Variants in GLT1D1 observed in about 807,000 individuals in gnomAD.
GLT1D1 encodes glycosyltransferase 1 domain-containing protein 1.
Under a neutral mutation model 28.7 loss-of-function variants are expected in GLT1D1, and 21 were observed. The ratio of observed to expected loss-of-function variants is 0.73; its 90% CI spans 0.52 to 1.05. The LOEUF (loss-of-function observed/expected upper bound fraction) is 1.05, where lower values mean the gene tolerates loss of function less well. GLT1D1 is among the 50% of genes least tolerant of loss of function. The probability of loss-of-function intolerance (pLI) is 0.00; values close to 1 mark genes in which losing one functional copy is unlikely to be tolerated. For synonymous variants in GLT1D1, 147 were observed against 124.8 expected (o/e 1.18, Z -1.19); for missense variants, 343 against 330.6 (o/e 1.04, Z -0.29).
intron 1 of GLT1D1, among the ~76,000 whole-genome samples, chr12:128,868,965 G>A (rs1239484933): frequency 6.6e-6 from 1 of 152,184 alleles, no homozygotes; most frequent in African/African-American, 2.4e-5. Context: ...CGCCTGCCGG[G>A]TTCAAGTGAT....
At chr12:128,899,690 C>T (rs140293158) in intron 4 of GLT1D1, among the ~76,000 whole-genome samples, 6,614 of 151,772 alleles carry the variant, frequency 0.044, 512 homozygotes, top group African/African-American at 0.15. Flanking sequence ...GCTGGGATTT[C>T]AGGTGCACAC....
chr12:128,967,996 G>A (rs184992393), intron 7 of GLT1D1, among the ~76,000 whole-genome samples: 2 of 152,210 alleles, frequency 1.3e-5, no homozygotes, highest in African/African-American at 4.8e-5. Context: ...TGTGGATTTT[G>A]TTTTGCTTTG....
chr12:128,863,658 G>A (rs1397598714), intron 1 of GLT1D1, among the ~76,000 whole-genome samples: 4 of 152,126 alleles, frequency 2.6e-5, no homozygotes, highest in Admixed American at 1.3e-4. Flanking sequence ...GATTACAGGC[G>A]TGAGCCACCG....
At position 128,984,589 on chromosome 12, in the gene GLT1D1, CA is replaced by C. The variant is rs1387356502; in HGVS notation, c.*1500del. On this transcript the variant is annotated 3_prime_UTR_variant, in exon 8 of 8. Coordinates refer to ENST00000281703, the MANE Select transcript of GLT1D1 (RefSeq NM_144669.3). ...CCCATCGCCGCCCCCCCACCCCTCG[CA>C]CCCCTTGTGTTTTCCCTCTGAGGGG... 6.6e-6 allele frequency: 1 copy of C among 152,132 alleles called. No homozygotes were observed. Among genetic ancestry groups the C allele is most frequent in the Non-Finnish European group, 1.5e-5 (1 of 68,084 alleles). 9.4% of individuals were successfully genotyped at this position (152,132 alleles called of 1,614,324 possible).
chr12:128,942,739 G>GTTTT lies in GLT1D1; in HGVS notation c.376-2584_376-2583insTTTT, dbSNP rs199567989. 7.4e-3 allele frequency among the ~76,000 whole-genome samples: 755 copies of GTTTT among 101,856 alleles called. 140 individuals carry two copies. The highest frequency in any genetic ancestry group is 9.8e-3 in the Non-Finnish European group (527 of 53,848). 66.8% of individuals were successfully genotyped at this position (101,856 alleles called of 152,430 possible). ...CTTTAGATTCCAATTTTCTTTGTTT[G>GTTTT]TTTGTTTTTGTTTTTTGTTTTTTTT... On this transcript the variant is annotated intron_variant, in intron 4 of 7. Transcript: ENST00000281703.
chr12:128,899,170 C>A lies in GLT1D1; in HGVS notation c.324-66C>A, dbSNP rs755679717. The A allele has an allele frequency of 2.7e-5, 31 of 1,155,332 alleles. 1 individual carries two copies. The highest frequency in any genetic ancestry group is 3.5e-5 in the Non-Finnish European group (27 of 766,172). 71.6% of individuals were successfully genotyped at this position (1,155,332 alleles called of 1,614,324 possible). A position where few individuals can be genotyped will look rare whatever the true frequency, so the allele number is the denominator to read the frequency against. ...GTCTCTCATAATTTGTTCCAAAGAG[C>A]TGTTTCATAGTTCTTTTAATTGAAT... is the stretch of plus-strand genomic sequence containing the variant. On this transcript the variant is annotated intron_variant, in intron 3 of 7. Transcript: ENST00000281703.
At chr12:128,945,238 A>C (rs1875908775) in intron 4 of GLT1D1, 88 bp from the exon 9 acceptor site, 1 of 1,352,076 alleles carries the variant, frequency 7.4e-7, no homozygotes, top group Non-Finnish European at 1.1e-6. Context: ...CCGCGCTGGC[A>C]CCAGGGCTTT....
At chr12:128,965,689 T>A (rs1481378655) in intron 7 of GLT1D1, among the ~76,000 whole-genome samples, 2 of 115,994 alleles carry the variant, frequency 1.7e-5, no homozygotes, top group African/African-American at 6.7e-5. Context: ...CTGGGCAACA[T>A]GGCAAAGTCT....
rs200135267 is a variant in GLT1D1 at position 128,888,630 on chromosome 12, G to A, written c.218-9G>A. 1,848 of 1,592,194 alleles carry A rather than the reference G, an allele frequency of 1.2e-3. 2 individuals carry two copies. The highest frequency in any genetic ancestry group is 1.5e-3 in the Non-Finnish European group (1,688 of 1,161,868). On this transcript the variant is annotated splice_polypyrimidine_tract_variant and intron_variant, in intron 2 of 7. Coordinates refer to ENST00000281703, the MANE Select transcript of GLT1D1 (RefSeq NM_144669.3). ...TAAATTCTGCTTTGTGACTGTCATCGTTTTGCAGGCCACCGAATCCCTTTT... is the reference window on the plus strand; with the variant it reads ...TAAATTCTGCTTTGTGACTGTCATCATTTTGCAGGCCACCGAATCCCTTTT...
chr12:128,874,244 C>G (rs1252010105), intron 1 of GLT1D1, among the ~76,000 whole-genome samples: 1 of 149,688 alleles, frequency 6.7e-6, no homozygotes, highest in Non-Finnish European at 1.5e-5. Context: ...TGCAGTGGCA[C>G]GATCTTGGCT....
chr12:128,854,981 T>C (rs473146), intron 1 of GLT1D1, among the ~76,000 whole-genome samples: 33,980 of 152,042 alleles, frequency 0.22, 3,986 homozygotes, highest in Middle Eastern at 0.33. Context: ...AGTGATGCTC[T>C]GCTTGGGTTT....
At chr12:128,932,876 G>A (rs1874082253) in intron 4 of GLT1D1, among the ~76,000 whole-genome samples, 1 of 152,164 alleles carries the variant, frequency 6.6e-6, no homozygotes, top group Admixed American at 6.5e-5. Flanking sequence ...AATAGCCACC[G>A]CCACAAAACC....
At chr12:128,889,383 G>T (rs1593087713) in intron 3 of GLT1D1, among the ~76,000 whole-genome samples, 1 of 152,152 alleles carries the variant, frequency 6.6e-6, no homozygotes, top group South Asian at 2.1e-4. Flanking sequence ...GGACCTGAGA[G>T]GTAGCTGCTG....
intron 4 of GLT1D1, among the ~76,000 whole-genome samples, chr12:128,900,691 A>G (rs1173256175): frequency 6.7e-6 from 1 of 149,642 alleles, no homozygotes; most frequent in South Asian, 2.1e-4. Context: ...GCTAGAGTGT[A>G]ATGGTGCTAT....
intron 7 of GLT1D1, among the ~76,000 whole-genome samples, chr12:128,967,698 A>G (rs1276381883): frequency 1.3e-5 from 2 of 152,250 alleles, no homozygotes; most frequent in Non-Finnish European, 2.9e-5. Flanking sequence ...TCTCACTCTT[A>G]CTTCGAGTTA....
Position 128,983,389 on chromosome 12 carries a change from T to C in GLT1D1, c.*299T>C, listed in dbSNP as rs1295660155. 2.9e-6 allele frequency: 1 copy of C among 344,198 alleles called. No individual in the cohort carries two copies. The highest frequency in any genetic ancestry group is 4.1e-5 in the Admixed American group (1 of 24,202). 21.3% of individuals were successfully genotyped at this position (344,198 alleles called of 1,614,324 possible). Reference sequence around the variant, plus strand: ...TCAGGGAATTTGGGAGAGAATTTGATTACCTGCCTTAGGGCTTTGGTGTGG... The same window carrying C: ...TCAGGGAATTTGGGAGAGAATTTGACTACCTGCCTTAGGGCTTTGGTGTGG... On this transcript the variant is annotated 3_prime_UTR_variant, in exon 8 of 8. Transcript: ENST00000281703. This position sits in a 1 kb window ranked among gnomAD's most constrained non-coding sequence, Gnocchi z 4.7.
intron 2 of GLT1D1, among the ~76,000 whole-genome samples, chr12:128,884,276 C>T (rs894722169): frequency 2.6e-5 from 4 of 152,028 alleles, no homozygotes; most frequent in East Asian, 1.9e-4. Flanking sequence ...GGACATAATG[C>T]GAAATACAAT....
rs185761400 is a variant in GLT1D1 at position 128,853,978 on chromosome 12, C to A, written c.68+329C>A. Among the ~76,000 whole-genome samples, 39 of 152,182 alleles carry A rather than the reference C, an allele frequency of 2.6e-4. No individual in the cohort carries two copies. In the East Asian group the frequency reaches 7.0e-3, roughly 27 times the overall value. On this transcript the variant is annotated intron_variant, in intron 1 of 7. Coordinates refer to ENST00000281703, the MANE Select transcript of GLT1D1 (RefSeq NM_144669.3). ...TGCAGAAGCAGGATGGGAGCAGGAT[C>A]CGCAGGGATGCGCAGCGGGGTCCGC...
chr12:128,927,980 A>G (rs529219223), intron 4 of GLT1D1, among the ~76,000 whole-genome samples: 40 of 136,344 alleles, frequency 2.9e-4, no homozygotes, highest in Non-Finnish European at 5.6e-4. Context: ...AGCCTGGCCG[A>G]CAGAGCAAGA....
Sources: allele counts gnomAD v4.1 joint callset (sites outside exome capture counted in the v4.1 genomes callset), GRCh38; gene constraint gnomAD v4.1.1; non-coding constraint Gnocchi (gnomAD v3.1); transcripts MANE v1.5; gene names NCBI Gene and HGNC (gene_info 2026-07-23, HGNC 2026-07-21).